The following ZFAND3 variants were observed in gnomAD, a reference collection of about 807,000 sequenced individuals.
ZFAND3 encodes the protein zinc finger AN1-type containing 3.
Under a neutral mutation model 29.6 loss-of-function variants are expected in ZFAND3, and 10 were observed. That is an observed-to-expected ratio of 0.34 (90% CI 0.21 to 0.57). ZFAND3 has a LOEUF of 0.57. ZFAND3 is among the 20% of genes least tolerant of loss of function. The probability of loss-of-function intolerance (pLI) is 0.86; values close to 1 mark genes in which losing one functional copy is unlikely to be tolerated. For synonymous variants in ZFAND3, 128 were observed against 112.6 expected (o/e 1.14, Z -0.87); for missense variants, 230 against 304.5 (o/e 0.76, Z 1.82).
intron 4 of ZFAND3, among the ~76,000 whole-genome samples, chr6:38,095,830 G>T (rs183423913): frequency 1.3e-5 from 2 of 152,208 alleles, no homozygotes; most frequent in Non-Finnish European, 2.9e-5. Flanking sequence ...CCAGGAATTG[G>T]AGACCAGCCT....
chr6:38,065,380 A>G (rs1312874832), intron 3 of ZFAND3, among the ~76,000 whole-genome samples: 1 of 151,886 alleles, frequency 6.6e-6, no homozygotes, highest in Non-Finnish European at 1.5e-5. Context: ...TTCTGCACTT[A>G]AGGAGCAAAA....
intron 1 of ZFAND3, among the ~76,000 whole-genome samples, chr6:37,894,498 T>A (rs2127398041): frequency 6.6e-6 from 1 of 151,876 alleles, no homozygotes; most frequent in East Asian, 1.9e-4. Context: ...ACCTCCAGAG[T>A]AGCTAGGACT....
intron 4 of ZFAND3, among the ~76,000 whole-genome samples, chr6:38,113,704 A>T (rs1212953845): frequency 3.3e-5 from 5 of 152,082 alleles, no homozygotes; most frequent in Non-Finnish European, 7.4e-5. Flanking sequence ...CATTTAAAAA[A>T]TTTTTCTTCA....
At chr6:37,957,600 G>A (rs1258346944) in intron 2 of ZFAND3, among the ~76,000 whole-genome samples, 1 of 152,112 alleles carries the variant, frequency 6.6e-6, no homozygotes, top group Non-Finnish European at 1.5e-5. Flanking sequence ...ACATTTGGCT[G>A]TAGTATCTTG....
chr6:37,849,874 G>A (rs376850072), intron 1 of ZFAND3, among the ~76,000 whole-genome samples: 15 of 152,256 alleles, frequency 9.9e-5, no homozygotes, highest in East Asian at 7.7e-4. Context: ...AGGCTCTGTG[G>A]GTTCTGCCAC....
intron 2 of ZFAND3, among the ~76,000 whole-genome samples, chr6:37,938,968 C>G (rs1761752907): frequency 6.6e-6 from 1 of 152,150 alleles, no homozygotes; most frequent in South Asian, 2.1e-4. Flanking sequence ...TAGTCTGTCA[C>G]TTGGCTTTAT....
chr6:37,970,217 C>T (rs1251737082), intron 2 of ZFAND3, among the ~76,000 whole-genome samples: 1 of 151,924 alleles, frequency 6.6e-6, no homozygotes, highest in Non-Finnish European at 1.5e-5. Context: ...TAAAGTCATA[C>T]CCAGAAGAAA....
intron 2 of ZFAND3, among the ~76,000 whole-genome samples, chr6:37,969,331 TG>T (rs1286028359): frequency 6.6e-6 from 1 of 152,226 alleles, no homozygotes; most frequent in Non-Finnish European, 1.5e-5. Flanking sequence ...GGTTACATCC[TG>T]GTAAATCCAT....
chr6:37,984,351 A>G (rs1707752545), intron 2 of ZFAND3, among the ~76,000 whole-genome samples: 1 of 152,240 alleles, frequency 6.6e-6, no homozygotes, highest in African/African-American at 2.4e-5. Context: ...CTTTAAAGGT[A>G]AAACTGTCCA....
intron 1 of ZFAND3, among the ~76,000 whole-genome samples, chr6:37,849,013 A>G (rs1764233772): frequency 6.6e-6 from 1 of 152,230 alleles, no homozygotes; most frequent in Non-Finnish European, 1.5e-5. Flanking sequence ...GAAATAAAAA[A>G]TCAACTCTAA....
chr6:38,043,801 CTTATTTAT>C (rs148013161), intron 2 of ZFAND3, among the ~76,000 whole-genome samples: 58 of 150,344 alleles, frequency 3.9e-4, no homozygotes, highest in African/African-American at 8.1e-4. Flanking sequence ...TGCTCGCTTG[CTTATTTAT>C]TTATTTATTT....
At chr6:38,089,660 G>T (rs1429567590) in intron 4 of ZFAND3, among the ~76,000 whole-genome samples, 1 of 152,190 alleles carries the variant, frequency 6.6e-6, no homozygotes, top group Non-Finnish European at 1.5e-5. Flanking sequence ...TAAATCAGAA[G>T]TGGCCCCGTA....
intron 2 of ZFAND3, among the ~76,000 whole-genome samples, chr6:37,963,458 A>C (rs1762235619): frequency 6.6e-6 from 1 of 152,224 alleles, no homozygotes; most frequent in Non-Finnish European, 1.5e-5. Context: ...CAAACCCAAA[A>C]TTAGTAGAAG....
chr6:38,126,749 G>T (rs954928850), intron 5 of ZFAND3, among the ~76,000 whole-genome samples: 3 of 152,070 alleles, frequency 2.0e-5, no homozygotes, highest in African/African-American at 7.2e-5. Context: ...TTTACAAAAA[G>T]ATTCACAAAA....
intron 1 of ZFAND3, among the ~76,000 whole-genome samples, chr6:37,893,668 C>T (rs898175500): frequency 6.6e-6 from 1 of 152,170 alleles, no homozygotes; most frequent in Non-Finnish European, 1.5e-5. Flanking sequence ...ATTCTCCTGC[C>T]TCAGCCTCCT....
intron 2 of ZFAND3, among the ~76,000 whole-genome samples, chr6:38,044,507 G>C (rs1369173589): frequency 2.6e-5 from 4 of 152,130 alleles, no homozygotes; most frequent in African/African-American, 9.7e-5. Context: ...TCTTGACTAG[G>C]CATCTTTAAT....
intron 1 of ZFAND3, among the ~76,000 whole-genome samples, chr6:37,899,736 TAC>T (rs1328164362): frequency 4.6e-5 from 7 of 152,210 alleles, no homozygotes; most frequent in Non-Finnish European, 8.8e-5. Flanking sequence ...GAAGAAATAA[TAC>T]AACTAATGCA....
At chr6:38,132,291 G>A (rs911021416) in intron 5 of ZFAND3, among the ~76,000 whole-genome samples, 8 of 152,112 alleles carry the variant, frequency 5.3e-5, no homozygotes, top group African/African-American at 1.4e-4. Flanking sequence ...TGGGAGGATC[G>A]CTTGAAGCCA....
At chr6:38,103,436 CACGT>C (rs1765138728) in intron 4 of ZFAND3, among the ~76,000 whole-genome samples, 1 of 89,962 alleles carries the variant, frequency 1.1e-5, no homozygotes, top group Non-Finnish European at 2.1e-5. Context: ...CATATATATA[CACGT>C]GTATATATAT....
Sources: gnomAD v4.1 joint callset for allele counts (sites outside exome capture counted in the v4.1 genomes callset) on GRCh38, gnomAD v4.1.1 for gene constraint, MANE v1.5 for transcripts, NCBI Gene and HGNC (gene_info 2026-07-23, HGNC 2026-07-21) for gene names.